AGAP1: variants seen among roughly 807,000 people sequenced by gnomAD.
AGAP1 encodes the protein ArfGAP with GTPase domain, ankyrin repeat and PH domain 1.
In AGAP1, 29 loss-of-function variants were observed where a neutral mutation model predicts 105.3. The ratio of observed to expected loss-of-function variants is 0.28; its 90% CI spans 0.21 to 0.38. The LOEUF (loss-of-function observed/expected upper bound fraction) is 0.38. AGAP1 is among the 10% of genes least tolerant of loss of function. The pLI, the probability that AGAP1 is intolerant of heterozygous loss-of-function variation, is 1.00. For synonymous variants in AGAP1, 509 were observed against 485.9 expected (o/e 1.05, Z -0.63); for missense variants, 998 against 1,165.1 (o/e 0.86, Z 2.09).
intron 2 of AGAP1, among the ~76,000 whole-genome samples, chr2:235,715,862 T>C (rs1255547899): frequency 2.0e-5 from 3 of 152,068 alleles, no homozygotes; most frequent in Non-Finnish European, 4.4e-5. Flanking sequence ...GCCTCCAGCT[T>C]TCTGGCTTGA....
rs534251678 is a variant in AGAP1 at position 236,127,284 on chromosome 2, C to A, written c.*3162C>A. 1 of 152,164 alleles carries A rather than the reference C, an allele frequency of 6.6e-6. No homozygotes were observed. Among genetic ancestry groups the A allele is most frequent in the African/African-American group, 2.4e-5 (1 of 41,428 alleles). 9.4% of individuals were successfully genotyped at this position (152,164 alleles called of 1,614,324 possible). On this transcript the variant is annotated 3_prime_UTR_variant, in exon 18 of 18. Coordinates refer to ENST00000304032, the MANE Select transcript of AGAP1 (RefSeq NM_001037131.3). This position sits in a 1 kb window ranked among gnomAD's most constrained non-coding sequence, Gnocchi z 6.6. ...GGCAGATGGTTTCCCCCGCCCAGCA[C>A]CCCAGTCCTGGTCCCTGGTCCCTCT...
At chr2:235,693,309 C>G (rs1279643991) in intron 1 of AGAP1, among the ~76,000 whole-genome samples, 1 of 152,114 alleles carries the variant, frequency 6.6e-6, no homozygotes, top group Non-Finnish European at 1.5e-5. Flanking sequence ...AAGCTATCCC[C>G]AAGTAGGCAC....
intron 5 of AGAP1, among the ~76,000 whole-genome samples, chr2:235,746,543 A>T (rs1952968442): frequency 6.6e-6 from 1 of 151,232 alleles, no homozygotes; most frequent in South Asian, 2.1e-4. Flanking sequence ...AGGCCGCACC[A>T]CCCAAAAGTC....
intron 13 of AGAP1, among the ~76,000 whole-genome samples, chr2:236,021,919 T>C (rs1017917965): frequency 6.6e-6 from 1 of 151,064 alleles, no homozygotes; most frequent in African/African-American, 2.4e-5. Flanking sequence ...ATTAGCCAGG[T>C]GTGGTGGCGC....
chr2:235,534,216 T>A (rs1381438165), intron 1 of AGAP1, among the ~76,000 whole-genome samples: 1 of 152,160 alleles, frequency 6.6e-6, no homozygotes, highest in African/African-American at 2.4e-5. Flanking sequence ...ATGGTCGGTG[T>A]TCTTTGCCAA....
At chr2:235,592,271 A>C (rs1456742895) in intron 1 of AGAP1, among the ~76,000 whole-genome samples, 1 of 152,164 alleles carries the variant, frequency 6.6e-6, no homozygotes, top group African/African-American at 2.4e-5. Context: ...TCTGGGCACC[A>C]CGCGCCAGAA....
At chr2:235,878,174 G>A (rs1453251193) in intron 9 of AGAP1, among the ~76,000 whole-genome samples, 3 of 152,224 alleles carry the variant, frequency 2.0e-5, no homozygotes, top group South Asian at 2.1e-4. Context: ...GAGGGCAGGG[G>A]GACTCCATCC....
At chr2:235,650,701 A>T (rs1046320727) in intron 1 of AGAP1, among the ~76,000 whole-genome samples, 1 of 152,236 alleles carries the variant, frequency 6.6e-6, no homozygotes, top group Non-Finnish European at 1.5e-5. Flanking sequence ...TCAAAAACGT[A>T]CCAATTTTCA....
At chr2:236,115,568 A>C (rs1327875580) in intron 16 of AGAP1, among the ~76,000 whole-genome samples, 1 of 152,204 alleles carries the variant, frequency 6.6e-6, no homozygotes, top group Non-Finnish European at 1.5e-5. Context: ...GGTGGCCTTC[A>C]AGTCACAGCA....
At chr2:235,589,194 GTTTTTTTTT>G (rs928149334) in intron 1 of AGAP1, among the ~76,000 whole-genome samples, 78 of 59,620 alleles carry the variant, frequency 1.3e-3, no homozygotes, top group African/African-American at 5.0e-3. Context: ...TTATTGTTTT[GTTTTTTTTT>G]TTTTTTTTTT....
Position 235,577,847 on chromosome 2 carries a change from C to T in AGAP1, c.163+82998C>T, listed in dbSNP as rs181003413. Among the ~76,000 whole-genome samples, 44 of 152,086 alleles carry T rather than the reference C, an allele frequency of 2.9e-4. No homozygotes were observed. Among genetic ancestry groups the T allele is most frequent in the African/African-American group, 8.9e-4 (37 of 41,478 alleles). On this transcript the variant is annotated intron_variant, in intron 1 of 17. Coordinates refer to ENST00000304032, the MANE Select transcript of AGAP1 (RefSeq NM_001037131.3). The surrounding 1 kb of genome is among the most constrained non-coding windows in gnomAD (Gnocchi z 4.5). ...GCTGCACAAAAGGCCCATGTCTGCT[C>T]GCTGGGACCTGATAGTTCGCCTTTG...
In AGAP1 at chr2:235,557,149, C is replaced by T. The variant is rs1205921629; in HGVS notation, c.163+62300C>T. The stretch of plus-strand genomic sequence containing the variant: ...GCTGACCTGGTCTGCCTCCTGCTTG[C>T]TTCCATAGCAGAGCCTGTGGGACGT... On this transcript the variant is annotated intron_variant, in intron 1 of 17. Coordinates refer to ENST00000304032, the MANE Select transcript of AGAP1 (RefSeq NM_001037131.3). The surrounding 1 kb of genome is among the most constrained non-coding windows in gnomAD (Gnocchi z 4.7). Among the ~76,000 whole-genome samples, 1 of 151,986 alleles carries T rather than the reference C, an allele frequency of 6.6e-6. No individual in the cohort carries two copies. The highest frequency in any genetic ancestry group is 2.4e-5 in the African/African-American group (1 of 41,378).
At chr2:235,918,024 T>C (rs1283737682) in intron 11 of AGAP1, among the ~76,000 whole-genome samples, 3 of 152,154 alleles carry the variant, frequency 2.0e-5, no homozygotes, top group Non-Finnish European at 4.4e-5. Context: ...TAGAAAACAT[T>C]ATAATAACTC....
rs2050991427 is a variant in AGAP1 at position 235,900,017 on chromosome 2, C to CT, written c.1156-8719dup. On this transcript the variant is annotated intron_variant, in intron 10 of 17. Coordinates refer to ENST00000304032, the MANE Select transcript of AGAP1 (RefSeq NM_001037131.3). The surrounding 1 kb of genome is among the most constrained non-coding windows in gnomAD (Gnocchi z 5.5). ...TAACTTAACCCTTTGGACTGGTGGACTTGAGCCCACGCATGTTGGACACTG... is the reference window on the plus strand; with the variant it reads ...TAACTTAACCCTTTGGACTGGTGGACTTTGAGCCCACGCATGTTGGACACTG... Among the ~76,000 whole-genome samples the CT allele has an allele frequency of 1.3e-5, 2 of 152,182 alleles. No homozygotes were observed. The highest frequency in any genetic ancestry group is 2.9e-5 in the Non-Finnish European group (2 of 68,048).
At chr2:236,022,412 G>A (rs998503688) in intron 13 of AGAP1, among the ~76,000 whole-genome samples, 6 of 152,160 alleles carry the variant, frequency 3.9e-5, no homozygotes, top group South Asian at 2.1e-4. Context: ...CGTGAACTGC[G>A]TGTGTTTATA....
chr2:235,766,188 A>G (rs1466564975), intron 6 of AGAP1, among the ~76,000 whole-genome samples: 2 of 152,244 alleles, frequency 1.3e-5, no homozygotes, highest in African/African-American at 4.8e-5. Flanking sequence ...ATTTTAACAC[A>G]GGGTGCTTGG....
chr2:235,831,140 G>A (rs1005628486), intron 9 of AGAP1, among the ~76,000 whole-genome samples: 6 of 149,766 alleles, frequency 4.0e-5, no homozygotes, highest in Non-Finnish European at 7.4e-5. Flanking sequence ...AATCACATTC[G>A]AGACTTTAAC....
At chr2:235,593,780 A>T (rs145395396) in intron 1 of AGAP1, among the ~76,000 whole-genome samples, 7 of 152,208 alleles carry the variant, frequency 4.6e-5, no homozygotes, top group African/African-American at 1.7e-4. Flanking sequence ...CCCGGGCAAC[A>T]TAGTGAGACC....
Position 235,789,891 on chromosome 2 carries a change from A to T in AGAP1, c.674-7868A>T, listed in dbSNP as rs1956872901. Among the ~76,000 whole-genome samples the T allele has an allele frequency of 1.3e-5, 2 of 152,148 alleles. No homozygotes were observed. The highest frequency in any genetic ancestry group is 4.8e-5 in the African/African-American group (2 of 41,434). On this transcript the variant is annotated intron_variant, in intron 6 of 17. Transcript: ENST00000304032. This position sits in a 1 kb window ranked among gnomAD's most constrained non-coding sequence, Gnocchi z 4.2. ...GAGCATTTCCTATTTACACACCCCT[A>T]AGTTAAATTTATGACCTGTTTAGTT...
Sources: gnomAD v4.1 joint callset for allele counts (sites outside exome capture counted in the v4.1 genomes callset) on GRCh38, gnomAD v4.1.1 for gene constraint, Gnocchi (gnomAD v3.1) non-coding constraint, MANE v1.5 for transcripts, NCBI Gene and HGNC (gene_info 2026-07-23, HGNC 2026-07-21) for gene names.